Variants in FMNL1 observed in about 807,000 individuals in gnomAD.
The protein encoded by FMNL1 is formin-like protein 1.
FMNL1 carries 43 observed loss-of-function variants against 121.3 expected under a neutral mutation model. The observed-to-expected ratio is 0.35, with a 90% confidence interval of 0.28 to 0.46. The LOEUF (loss-of-function observed/expected upper bound fraction) is 0.46, where lower values mean the gene tolerates loss of function less well. FMNL1 is among the 20% of genes least tolerant of loss of function. FMNL1 has a pLI of 1.00. For synonymous variants in FMNL1, 613 were observed against 613.5 expected (o/e 1.00, Z 0.01); for missense variants, 1,191 against 1,482.4 (o/e 0.80, Z 3.23).
Position 45,237,453 on chromosome 17 carries a change from G to T in FMNL1, c.801-93G>T, listed in dbSNP as rs2043576060. ...CCTCCAGGTCTCAGAGGCTCATTCT[G>T]CACCCACTATGCTCCTCCTAGCCAG... On this transcript the variant is annotated intron_variant, in intron 8 of 26. Transcript: ENST00000331495. The surrounding 1 kb of genome is among the most constrained non-coding windows in gnomAD (Gnocchi z 4.4). 6.2e-7 allele frequency: 1 copy of T among 1,606,256 alleles called. No homozygotes were observed.
In FMNL1 at chr17:45,246,857, CG is replaced by C. The variant is rs2043850269; in HGVS notation, c.*9-8del. On this transcript the variant is annotated splice_polypyrimidine_tract_variant and intron_variant, in intron 26 of 26. Transcript: ENST00000331495. ...TCCTGAATGGTAAATGTGTCTCCTT[CG>C]GCTGCCAGATCTGCGGAACCAGCCC... 2.8e-6 allele frequency: 2 copies of C among 721,712 alleles called. No homozygotes were observed. The highest frequency in any genetic ancestry group is 5.0e-6 in the Non-Finnish European group (2 of 396,216). The allele number at this position is 721,712 out of a possible 1,614,324, so 44.7% of individuals were successfully genotyped here. A position where few individuals can be genotyped will look rare whatever the true frequency, so the allele number is the denominator to read the frequency against.
rs958491217 is a variant in FMNL1 at position 45,231,204 on chromosome 17, T to A, written c.213+517T>A. Among the ~76,000 whole-genome samples, 34 of 152,296 alleles carry A rather than the reference T, an allele frequency of 2.2e-4. No homozygotes were observed. Among genetic ancestry groups the A allele is most frequent in the Middle Eastern group, 3.4e-3 (1 of 294 alleles). ...CCGTCCAGGTGCCTGGACTCACGGG[T>A]CACTCAGCTGTCCCCACCCCTCCAG... On this transcript the variant is annotated intron_variant, in intron 2 of 26. Coordinates refer to ENST00000331495, the MANE Select transcript of FMNL1 (RefSeq NM_005892.4). The surrounding 1 kb of genome is among the most constrained non-coding windows in gnomAD (Gnocchi z 4.7).
At position 45,231,235 on chromosome 17, in the gene FMNL1, A is replaced by G. The variant is rs1218550861; in HGVS notation, c.213+548A>G. 1.3e-5 allele frequency among the ~76,000 whole-genome samples: 2 copies of G among 152,134 alleles called. No homozygotes were observed. Among genetic ancestry groups the G allele is most frequent in the Non-Finnish European group, 2.9e-5 (2 of 68,006 alleles). ...AGCTGTCCCCACCCCTCCAGCTTCAAGGGCTGCGGTCGGCCATGGGCCGAC... is the reference window on the plus strand; with the variant it reads ...AGCTGTCCCCACCCCTCCAGCTTCAGGGGCTGCGGTCGGCCATGGGCCGAC... On this transcript the variant is annotated intron_variant, in intron 2 of 26. Coordinates refer to ENST00000331495, the MANE Select transcript of FMNL1 (RefSeq NM_005892.4). This position sits in a 1 kb window ranked among gnomAD's most constrained non-coding sequence, Gnocchi z 4.7.
In FMNL1 at chr17:45,234,200, A is replaced by G; in HGVS notation, c.614A>G (p.Lys205Arg). ...SVPKSRHLTIKLTPAHSRKAL... is the reference protein window; with the variant it reads ...SVPKSRHLTIRLTPAHSRKAL... ...CCCAAAAGCCGCCACCTGACCATCA[A>G]GTATGTGGGCCACAAAGTGGGGTGG... is the stretch of plus-strand genomic sequence containing the variant. Residue 205 changes from lysine (K) to arginine (R), a missense_variant and splice_region_variant, in exon 6 of 27, where the codon AAG (lysine) becomes AGG (arginine). Physicochemically the swap from Lys to Arg is conservative, Grantham distance 26 (BLOSUM62 2). Around this residue, in one of 4 missense-constraint regions of FMNL1, gnomAD observed 253 missense variants for 417.5 expected, o/e 0.61. Transcript: ENST00000331495. 5 of 1,614,030 alleles carry G rather than the reference A, an allele frequency of 3.1e-6. No individual in the cohort carries two copies. The highest frequency in any genetic ancestry group is 4.2e-6 in the Non-Finnish European group (5 of 1,180,004).
Position 45,233,641 on chromosome 17 carries a change from C to T in FMNL1, c.402-7C>T. On this transcript the variant is annotated splice_region_variant and splice_polypyrimidine_tract_variant and intron_variant, in intron 4 of 26. Coordinates refer to ENST00000331495, the MANE Select transcript of FMNL1 (RefSeq NM_005892.4). This position sits in a 1 kb window ranked among gnomAD's most constrained non-coding sequence, Gnocchi z 4.1. ...TGGCTGGAGCTCAGGGAGCCCTGTG[C>T]CCACAGGTGGGTGCAGGAGTTCCTC... The T allele has an allele frequency of 6.2e-7, 1 of 1,613,914 alleles. No homozygotes were observed. The highest frequency in any genetic ancestry group is 8.5e-7 in the Non-Finnish European group (1 of 1,179,934).
At position 45,236,181 on chromosome 17, in the gene FMNL1, C is replaced by A. The variant is rs751506418; in HGVS notation, c.660C>A (p.Ile220=). 2.1e-5 allele frequency: 34 copies of A among 1,613,856 alleles called. No homozygotes were observed. The highest frequency in any genetic ancestry group is 2.9e-5 in the Non-Finnish European group (34 of 1,180,022). The change falls in exon 7 of 27, where the codon ATC becomes ATA. Residue 220 remains isoleucine, a synonymous_variant. Transcript: ENST00000331495. ...HSRKALRNSR[I]VSQKDDVHVC... ...GGAAGGCCCTGCGGAATTCCCGCAT[C>A]GTCAGCCAGAAGGACGACGTCCACG...
chr17:45,242,979 G>A (rs2043743441), intron 16 of FMNL1, 139 bp from the exon 17 acceptor site: 1 of 903,394 alleles, frequency 1.1e-6, no homozygotes, highest in South Asian at 1.6e-5. Flanking sequence ...TCCCATCAGG[G>A]CCTGTGGTCA....
rs1336973117 is a variant in FMNL1, at chr17:45,242,348, G to A, written c.1893G>A (p.Lys631=). The change falls in exon 16 of 27, where the codon AAG becomes AAA. Residue 631 remains lysine (K), a synonymous_variant. Transcript: ENST00000331495. ...CCCAAACCCCCGTCCCAGGAGTGAA[G>A]GCCAAGAAGCCCATCCAGACTAAGT... The part of the protein sequence containing the change: ...RRDSELGPGV[K]AKKPIQTKFR... 6.2e-7 allele frequency: 1 copy of A among 1,613,866 alleles called. No individual in the cohort carries two copies. Among genetic ancestry groups the A allele is most frequent in the African/African-American group, 1.3e-5 (1 of 74,914 alleles).
intron 1 of FMNL1, among the ~76,000 whole-genome samples, chr17:45,229,496 C>A (rs2043396576): frequency 6.6e-6 from 1 of 152,240 alleles, no homozygotes; most frequent in African/African-American, 2.4e-5. Context: ...TGGTGAGCCC[C>A]TCAGGGTCTC....
In FMNL1 at chr17:45,221,920, TC is replaced by T; in HGVS notation, c.-202del. On this transcript the variant is annotated 5_prime_UTR_variant, in exon 1 of 27. Transcript: ENST00000331495. ...CCCAACCCTGCAGCTCGCCGCCCGG[TC>T]CCACGGACGGGGCCGCCCCGATGGG... 3.0e-6 allele frequency: 1 copy of T among 338,976 alleles called. No individual in the cohort carries two copies. The highest frequency in any genetic ancestry group is 5.2e-6 in the Non-Finnish European group (1 of 190,648). The allele number at this position is 338,976 out of a possible 1,614,324, so 21.0% of individuals were successfully genotyped here.
chr17:45,222,111 G>A lies in FMNL1; in HGVS notation c.-14G>A. On this transcript the variant is annotated 5_prime_UTR_variant, in exon 1 of 27. Coordinates refer to ENST00000331495, the MANE Select transcript of FMNL1 (RefSeq NM_005892.4). ...CGAGGCTGGAGGCGCCTGGCCGGCT[G>A]GGTGGGGACCACCATGGGCAACGCG... The A allele has an allele frequency of 4.3e-6, 5 of 1,154,352 alleles. No homozygotes were observed. Among genetic ancestry groups the A allele is most frequent in the Non-Finnish European group, 5.3e-6 (5 of 938,896 alleles). The allele number at this position is 1,154,352 out of a possible 1,614,324, so 71.5% of individuals were successfully genotyped here.
intron 1 of FMNL1, among the ~76,000 whole-genome samples, chr17:45,223,794 G>A (rs374091467): frequency 6.6e-6 from 1 of 152,184 alleles, no homozygotes; most frequent in African/African-American, 2.4e-5. Context: ...TATGGTCGCG[G>A]GTGTGGGCTC....
rs2043239320 is a variant in FMNL1 at position 45,222,178 on chromosome 17, CCCCAAGCAGCCCGCGCCT to C, written c.66_83del (p.Ala23_Pro28del). The C allele has an allele frequency of 3.2e-6, 4 of 1,232,598 alleles. No individual in the cohort carries two copies. Among genetic ancestry groups the C allele is most frequent in the Non-Finnish European group, 3.0e-6 (3 of 986,486 alleles). 76.4% of individuals were successfully genotyped at this position (1,232,598 alleles called of 1,614,324 possible). A position where few individuals can be genotyped will look rare whatever the true frequency, so the allele number is the denominator to read the frequency against. ...AGCCCGCGGGCCCCGCCGCGCCGCC[CCCCAAGCAGCCCGCGCCT>C]CCCAAGCAGCCGATGCCCGCGGCCG... On this transcript the variant is annotated inframe_deletion, in exon 1 of 27. Transcript: ENST00000331495.
intron 11 of FMNL1, 21 bp downstream of exon 11, chr17:45,239,086 C>T (rs373793051): frequency 1.8e-4 from 283 of 1,589,502 alleles, no homozygotes; most frequent in Non-Finnish European, 2.2e-4. Flanking sequence ...TACTGCCCCC[C>T]AGACTGAACT....
chr17:45,222,757 G>A (rs2043255255), intron 1 of FMNL1, among the ~76,000 whole-genome samples: 1 of 151,946 alleles, frequency 6.6e-6, no homozygotes, highest in South Asian at 2.1e-4. Flanking sequence ...TGGCCAGGAG[G>A]TATCTGTGTT....
At chr17:45,240,860 C>G (rs1285795038) in intron 12 of FMNL1, 1 of 732,404 alleles carries the variant, frequency 1.4e-6, no homozygotes, top group Non-Finnish European at 2.2e-6. Context: ...TACCCAGGCT[C>G]AGACCCCAGG....
intron 6 of FMNL1, chr17:45,234,439 C>A: frequency 1.8e-6 from 1 of 545,516 alleles, no homozygotes; most frequent in Non-Finnish European, 3.2e-6. Flanking sequence ...CTGAGGTGGG[C>A]AGATCATTTG....
At chr17:45,229,127 G>A (rs1195439098) in intron 1 of FMNL1, among the ~76,000 whole-genome samples, 1 of 152,220 alleles carries the variant, frequency 6.6e-6, no homozygotes, top group Non-Finnish European at 1.5e-5. Context: ...TGATGAGACA[G>A]CGGTGGTTTC....
intron 23 of FMNL1, 25 bp downstream of exon 23, chr17:45,245,758 G>A: frequency 6.2e-7 from 1 of 1,613,434 alleles, no homozygotes; most frequent in African/African-American, 1.3e-5. Context: ...GGCAGGCTGG[G>A]AGCCCTGTAG....
Sources: allele counts gnomAD v4.1 joint callset (sites outside exome capture counted in the v4.1 genomes callset), GRCh38; gene constraint gnomAD v4.1.1; regional missense constraint gnomAD v4.1.1; non-coding constraint Gnocchi (gnomAD v3.1); transcripts MANE v1.5; gene names NCBI Gene and HGNC (gene_info 2026-07-23, HGNC 2026-07-21).